Variants in B4GALNT3 observed in about 807,000 individuals in gnomAD.
B4GALNT3 encodes the protein beta-1,4-N-acetylgalactosaminyltransferase 3.
B4GALNT3 carries 86 observed loss-of-function variants against 120.2 expected under a neutral mutation model. The observed-to-expected ratio is 0.72, with a 90% CI of 0.60 to 0.86. The LOEUF is 0.86. Ranked by LOEUF, B4GALNT3 falls within the 40% of genes least tolerant of loss-of-function variation. The pLI, the probability that B4GALNT3 is intolerant of heterozygous loss-of-function variation, is 0.00. For synonymous variants in B4GALNT3, 518 were observed against 510.4 expected (o/e 1.01, Z -0.20); for missense variants, 1,167 against 1,298.9 (o/e 0.90, Z 1.56).
intron 1 of B4GALNT3, among the ~76,000 whole-genome samples, chr12:482,131 G>A (rs1946248355): frequency 6.6e-6 from 1 of 152,154 alleles, no homozygotes; most frequent in Admixed American, 6.6e-5. Flanking sequence ...AAAGATACTT[G>A]TAACACACAT....
chr12:493,402 A>G (rs1411475870), intron 1 of B4GALNT3, among the ~76,000 whole-genome samples: 1 of 152,204 alleles, frequency 6.6e-6, no homozygotes, highest in East Asian at 1.9e-4. Flanking sequence ...CCAAAATCCA[A>G]AATATTGACA....
Position 549,847 on chromosome 12 carries a change from T to C in B4GALNT3, c.932T>C (p.Leu311Pro). Residue 311 changes from leucine to proline, a missense_variant, in exon 10 of 20, where the codon CTT (leucine) becomes CCT (proline). Coordinates refer to ENST00000266383, the MANE Select transcript of B4GALNT3 (RefSeq NM_173593.4). Reference sequence around the variant, plus strand: ...AGCCACGTGGACTCCTCCAACGCTCTTCCCAGGGATGAGCAGCCGCCCGCT... The same window carrying C: ...AGCCACGTGGACTCCTCCAACGCTCCTCCCAGGGATGAGCAGCCGCCCGCT... ...AASHVDSSNALPRDEQPPADM... is the reference protein window; with the variant it reads ...AASHVDSSNAPPRDEQPPADM... 6.2e-7 allele frequency: 1 copy of C among 1,613,754 alleles called. No individual in the cohort carries two copies. Among genetic ancestry groups the C allele is most frequent in the Non-Finnish European group, 8.5e-7 (1 of 1,179,988 alleles).
chr12:553,384 G>A lies in B4GALNT3; in HGVS notation c.1461G>A (p.Leu487=). The A allele has an allele frequency of 6.2e-7, 1 of 1,613,858 alleles. No homozygotes were observed. The highest frequency in any genetic ancestry group is 8.5e-7 in the Non-Finnish European group (1 of 1,180,050). Residue 487 remains leucine, a synonymous_variant, in exon 14 of 20, where the codon CTG becomes CTA. Transcript: ENST00000266383. ...TGGCTCAGCCCCGGGAGGGCCTGCT[G>A]GCCCCCTTCTCCAAGCGGAACTCCA... ...KLLAQPREGL[L]APFSKRNSTA...
intron 1 of B4GALNT3, among the ~76,000 whole-genome samples, chr12:486,317 C>T (rs1946290810): frequency 7.0e-6 from 1 of 143,324 alleles, no homozygotes; most frequent in Admixed American, 7.5e-5. Context: ...TTAAGTGATT[C>T]TCCCACCTCA....
chr12:466,368 C>T (rs998077538), intron 1 of B4GALNT3, among the ~76,000 whole-genome samples: 15 of 152,044 alleles, frequency 9.9e-5, no homozygotes, highest in African/African-American at 1.9e-4. Flanking sequence ...TGGAGTTGGC[C>T]GCTCGCTGTC....
At chr12:489,711 C>T (rs895318105) in intron 1 of B4GALNT3, among the ~76,000 whole-genome samples, 3 of 152,154 alleles carry the variant, frequency 2.0e-5, no homozygotes, top group South Asian at 2.1e-4. Flanking sequence ...ATGCAGCAGC[C>T]GGAAAATTGG....
intron 1 of B4GALNT3, among the ~76,000 whole-genome samples, chr12:494,560 C>T (rs1233680771): frequency 6.6e-6 from 1 of 152,160 alleles, no homozygotes; most frequent in Non-Finnish European, 1.5e-5. Flanking sequence ...GGGACCATAG[C>T]TTAAGGTGTT....
At chr12:480,988 C>T (rs1018548720) in intron 1 of B4GALNT3, among the ~76,000 whole-genome samples, 1 of 152,234 alleles carries the variant, frequency 6.6e-6, no homozygotes, top group Non-Finnish European at 1.5e-5. Flanking sequence ...CTGCTGTGTG[C>T]TTAGCCCAGG....
At chr12:528,643 C>T (rs138983266) in intron 1 of B4GALNT3, among the ~76,000 whole-genome samples, 1 of 152,254 alleles carries the variant, frequency 6.6e-6, no homozygotes, top group East Asian at 1.9e-4. Flanking sequence ...CCTGGCTTCA[C>T]CCCTGACTCT....
At chr12:525,236 A>G (rs11836059) in intron 1 of B4GALNT3, among the ~76,000 whole-genome samples, 56,856 of 151,454 alleles carry the variant, frequency 0.38, 11,701 homozygotes, top group East Asian at 0.65. Flanking sequence ...AGCCTCCCGA[A>G]TAGCTGGGAT....
chr12:467,774 T>C (rs1389688654), intron 1 of B4GALNT3, among the ~76,000 whole-genome samples: 1 of 152,208 alleles, frequency 6.6e-6, no homozygotes, highest in Non-Finnish European at 1.5e-5. Flanking sequence ...AGTAGCACCC[T>C]GCCAGGGTGG....
chr12:492,192 T>C (rs1946348277), intron 1 of B4GALNT3, among the ~76,000 whole-genome samples: 2 of 152,120 alleles, frequency 1.3e-5, no homozygotes, highest in Admixed American at 1.3e-4. Context: ...AATAAAACTG[T>C]TCACAGATGT....
Position 559,385 on chromosome 12 carries a change from A to G in B4GALNT3, c.2852A>G (p.Asp951Gly), listed in dbSNP as rs201519663. The change falls in exon 19 of 20, where the codon GAC becomes GGC. Residue 951 changes from aspartate to glycine, a missense_variant. This residue lies in a region of B4GALNT3 where 983 missense variants were observed against 1,102.5 expected (regional missense o/e 0.89). Coordinates refer to ENST00000266383, the MANE Select transcript of B4GALNT3 (RefSeq NM_173593.4). ...GGCATGAACACCAAGGAGTTCCGAG[A>G]CCGCTGGGGCGGGGAAGACTGGGAG... ...IGGMNTKEFRDRWGGEDWELL... is the reference protein window; with the variant it reads ...IGGMNTKEFRGRWGGEDWELL... The G allele has an allele frequency of 3.3e-5, 54 of 1,613,990 alleles. No individual in the cohort carries two copies. The East Asian group carries it at 1.1e-3, about 34-fold the overall frequency.
At chr12:463,223 G>A (rs1447420969) in intron 1 of B4GALNT3, among the ~76,000 whole-genome samples, 2 of 152,200 alleles carry the variant, frequency 1.3e-5, no homozygotes, top group African/African-American at 2.4e-5. Context: ...TGGAAGAAGA[G>A]TATGGAGAGA....
chr12:514,192 GT>G (rs1946626067), intron 1 of B4GALNT3, among the ~76,000 whole-genome samples: 1 of 129,104 alleles, frequency 7.7e-6, no homozygotes, highest in Non-Finnish European at 1.6e-5. Context: ...GTTATTGTCC[GT>G]TTTTGTTTTT....
chr12:468,478 A>G (rs1946104187), intron 1 of B4GALNT3, among the ~76,000 whole-genome samples: 1 of 152,234 alleles, frequency 6.6e-6, no homozygotes. Context: ...GGACTGAGCC[A>G]CTTTTGTTGA....
intron 1 of B4GALNT3, among the ~76,000 whole-genome samples, chr12:508,396 C>T: frequency 6.6e-6 from 1 of 152,208 alleles, no homozygotes; most frequent in Non-Finnish European, 1.5e-5. Flanking sequence ...CTTCCCACCT[C>T]AGGCTCTTGA....
rs1946978388 is a variant in B4GALNT3, at chr12:545,239, A to G, written c.539-130A>G. ...TGTCTCCCAGGATGTAGAAACCCCC[A>G]CTTTACAGAGAGGGAAGCCACAGCA... On this transcript the variant is annotated intron_variant, in intron 5 of 19. Coordinates refer to ENST00000266383, the MANE Select transcript of B4GALNT3 (RefSeq NM_173593.4). 4 of 1,465,698 alleles carry G rather than the reference A, an allele frequency of 2.7e-6. No individual in the cohort carries two copies. In the South Asian group the frequency reaches 5.6e-5, roughly 20 times the overall value. 90.8% of individuals were successfully genotyped at this position (1,465,698 alleles called of 1,614,324 possible).
intron 1 of B4GALNT3, among the ~76,000 whole-genome samples, chr12:474,815 G>A (rs887638268): frequency 1.3e-5 from 2 of 151,960 alleles, no homozygotes; most frequent in African/African-American, 4.8e-5. Context: ...AGAATTAGCT[G>A]GAAGTGGTGG....
Sources: allele counts gnomAD v4.1 joint callset (sites outside exome capture counted in the v4.1 genomes callset), GRCh38; gene constraint gnomAD v4.1.1; regional missense constraint gnomAD v4.1.1; transcripts MANE v1.5; gene names NCBI Gene and HGNC (gene_info 2026-07-23, HGNC 2026-07-21).